The following PKP2 variants were observed in gnomAD, a reference collection of about 807,000 sequenced individuals.
PKP2 encodes plakophilin 2, also known as plakophilin-2.
In PKP2, 73 loss-of-function variants were observed where a neutral mutation model predicts 83.4. The observed-to-expected ratio is 0.88, with a 90% CI of 0.72 to 1.06. The LOEUF is 1.06. Among genes scored for constraint, PKP2 ranks in the 50% least tolerant of loss-of-function variants. The pLI is 0.00. For synonymous variants in PKP2, 409 were observed against 430.4 expected, an observed-to-expected ratio of 0.95 and a Z score of 0.62; for missense variants, 966 against 1,065.4, an observed-to-expected ratio of 0.91 and a Z score of 1.30.
intron 4 of PKP2, among the ~76,000 whole-genome samples, chr12:32,863,989 C>T (rs905526228): frequency 7.9e-5 from 12 of 151,956 alleles, no homozygotes; most frequent in Non-Finnish European, 1.5e-4. Flanking sequence ...AATGGAATAC[C>T]ATTTTAAAAT....
intron 9 of PKP2, among the ~76,000 whole-genome samples, chr12:32,815,125 C>G (rs1477980507): frequency 1.3e-5 from 2 of 152,186 alleles, no homozygotes; most frequent in Admixed American, 6.5e-5. Flanking sequence ...CTACAAGGAA[C>G]TCAATGTTGC....
intron 9 of PKP2, among the ~76,000 whole-genome samples, chr12:32,819,055 A>G (rs1358772709): frequency 6.6e-6 from 1 of 152,128 alleles, no homozygotes; most frequent in Non-Finnish European, 1.5e-5. Flanking sequence ...AGGCTGGTGG[A>G]TCACCTGAGG....
intron 9 of PKP2, chr12:32,820,956 G>A: frequency 3.9e-6 from 1 of 259,180 alleles, no homozygotes; most frequent in South Asian, 4.5e-5. Flanking sequence ...ACCCTATGGA[G>A]AGAGCCTTTG....
rs2137862862 is a variant in PKP2, at chr12:32,850,881, G to A, written c.1263C>T (p.Asn421=). ...TGTTGTCATTGTCTTCAAATACTAA[G>A]TTTCTCAAGGCCCCACACACAGCTC... is the stretch of plus-strand genomic sequence containing the variant. The part of the protein sequence containing the change: ...VQRAVCGALR[N]LVFEDNDNKL... Residue 421 remains asparagine (N), a synonymous_variant, in exon 5 of 13, where the codon AAC becomes AAT. Transcript: ENST00000340811. 1 of 1,613,954 alleles carries A rather than the reference G, an allele frequency of 6.2e-7. No individual in the cohort carries two copies. Among genetic ancestry groups the A allele is most frequent in the Non-Finnish European group, 8.5e-7 (1 of 1,179,896 alleles).
At chr12:32,795,862 A>C (rs1006306311) in intron 11 of PKP2, among the ~76,000 whole-genome samples, 2 of 152,192 alleles carry the variant, frequency 1.3e-5, no homozygotes, top group Admixed American at 6.5e-5. Context: ...CACAACCAAG[A>C]GAAGTTCTGG....
In PKP2 at chr12:32,792,415, T is replaced by A. The variant is rs1411540173; in HGVS notation, c.*9A>T. On this transcript the variant is annotated 3_prime_UTR_variant, in exon 13 of 13. Transcript: ENST00000340811. ...GATTTTTGCAGCCGAGAATACTTTG[T>A]CATTTTCCTCAGTCTTTAAGGGAGT... 6.2e-7 allele frequency: 1 copy of A among 1,607,836 alleles called. No homozygotes were observed. The highest frequency in any genetic ancestry group is 1.3e-5 in the African/African-American group (1 of 74,792).
At chr12:32,873,016 A>G (rs2137931670) in intron 3 of PKP2, among the ~76,000 whole-genome samples, 1 of 152,244 alleles carries the variant, frequency 6.6e-6, no homozygotes, top group South Asian at 2.1e-4. Flanking sequence ...TCTTGGTCAC[A>G]AATTTGACTG....
At chr12:32,872,507 C>T (rs557542905) in intron 3 of PKP2, among the ~76,000 whole-genome samples, 118 of 152,188 alleles carry the variant, frequency 7.8e-4, no homozygotes, top group African/African-American at 2.8e-3. Context: ...GCACTCCAGC[C>T]TGGGCAACAA....
chr12:32,798,665 C>T (rs2137716922), intron 10 of PKP2, among the ~76,000 whole-genome samples: 1 of 152,196 alleles, frequency 6.6e-6, no homozygotes, highest in East Asian at 1.9e-4. Context: ...GGAAAGGCCA[C>T]CCTATTCAAC....
intron 5 of PKP2, among the ~76,000 whole-genome samples, chr12:32,848,306 C>A (rs1219337171): frequency 3.3e-5 from 5 of 152,212 alleles, no homozygotes; most frequent in Admixed American, 3.3e-4. Context: ...CACCTGTAAT[C>A]CCAGCTACTT....
chr12:32,853,237 T>C (rs1411020218), intron 4 of PKP2, among the ~76,000 whole-genome samples: 1 of 152,132 alleles, frequency 6.6e-6, no homozygotes, highest in East Asian at 1.9e-4. Context: ...AACATAATGC[T>C]CCAAGGGAGT....
chr12:32,804,558 T>C (rs1413187215), intron 9 of PKP2, among the ~76,000 whole-genome samples: 1 of 152,210 alleles, frequency 6.6e-6, no homozygotes, highest in Non-Finnish European at 1.5e-5. Flanking sequence ...GGTACTTGGC[T>C]TTCTGTTCCT....
chr12:32,862,630 A>C (rs1956810282), intron 4 of PKP2, among the ~76,000 whole-genome samples: 1 of 150,478 alleles, frequency 6.6e-6, no homozygotes, highest in Non-Finnish European at 1.5e-5. Context: ...GGGCAACAAG[A>C]GCGAAACTCC....
Position 32,841,326 on chromosome 12 carries a change from T to TG in PKP2, c.1379-122dup, listed in dbSNP as rs143525894. The TG allele has an allele frequency of 0.05, 38,256 of 759,334 alleles. 1,275 individuals carry two copies. Among genetic ancestry groups the TG allele is most frequent in the Middle Eastern group, 0.11 (456 of 4,028 alleles). The allele number at this position is 759,334 out of a possible 1,614,324, so 47.0% of individuals were successfully genotyped here. On this transcript the variant is annotated intron_variant, in intron 5 of 12. Coordinates refer to ENST00000340811, the MANE Select transcript of PKP2 (RefSeq NM_001005242.3). ...CTAGTCATAAAAAAATTTGGGGGGT[T>TG]GGGGGGCCAGCCTCTTTCTCAACTA...
chr12:32,838,234 C>A (rs1326909758), intron 6 of PKP2, among the ~76,000 whole-genome samples: 1 of 152,120 alleles, frequency 6.6e-6, no homozygotes, highest in African/African-American at 2.4e-5. Context: ...AACAGAAAAC[C>A]AAATATCACA....
intron 9 of PKP2, chr12:32,821,050 C>G (rs1956370683): frequency 2.7e-6 from 1 of 375,068 alleles, no homozygotes; most frequent in Non-Finnish European, 5.1e-6. Context: ...CCAGTCACGA[C>G]AGAAAGAAGG....
chr12:32,868,874 T>C (rs1956872201), intron 4 of PKP2, 53 bp downstream of exon 4: 3 of 1,575,866 alleles, frequency 1.9e-6, no homozygotes, highest in Middle Eastern at 2.3e-4. Context: ...AAAGTCACCA[T>C]AATAGAAGTG....
chr12:32,819,005 C>T (rs1902140), intron 9 of PKP2, among the ~76,000 whole-genome samples: 111,084 of 152,024 alleles, frequency 0.73, 41,591 homozygotes, highest in Non-Finnish European at 0.82. Flanking sequence ...AGGCTGAGTG[C>T]GGTGGCTCAC....
intron 5 of PKP2, chr12:32,843,363 G>T: frequency 7.4e-7 from 1 of 1,345,412 alleles, no homozygotes. Context: ...GCTCCTTTAT[G>T]AACACAGCAA....
Sources: gnomAD v4.1 joint callset for allele counts (sites outside exome capture counted in the v4.1 genomes callset) on GRCh38, gnomAD v4.1.1 for gene constraint, MANE v1.5 for transcripts, NCBI Gene and HGNC (gene_info 2026-07-23, HGNC 2026-07-21) for gene names.